Variants in FBXO17 observed in about 807,000 individuals in gnomAD.
FBXO17 encodes F-box only protein 17.
A neutral mutation model predicts 34.1 loss-of-function variants in FBXO17; 43 were observed. The observed-to-expected ratio is 1.26, with a 90% confidence interval of 0.99 to 1.62. The LOEUF is 1.62. Ranked by LOEUF, FBXO17 falls within the 40% of genes most tolerant of loss-of-function variation. FBXO17 has a pLI of 0.00. For missense variants in FBXO17, 424 were observed against 386.7 expected (o/e 1.10, Z -0.81); for synonymous variants, 169 against 166.0 (o/e 1.02, Z -0.14).
intron 1 of FBXO17, among the ~76,000 whole-genome samples, chr19:38,966,692 AACAT>A (rs951998729): frequency 6.6e-6 from 1 of 152,216 alleles, no homozygotes; most frequent in African/African-American, 2.4e-5. Flanking sequence ...TTCTAGGAAA[AACAT>A]AAAACTGTAT....
chr19:38,949,590 C>T (rs1037612697), intron 2 of FBXO17, among the ~76,000 whole-genome samples: 6 of 151,752 alleles, frequency 4.0e-5, no homozygotes, highest in Admixed American at 6.6e-5. Context: ...TGCAATGGCA[C>T]GATCATAGCT....
At chr19:38,963,243 G>A (rs1314231809) in intron 1 of FBXO17, among the ~76,000 whole-genome samples, 2 of 151,728 alleles carry the variant, frequency 1.3e-5, no homozygotes, top group Non-Finnish European at 2.9e-5. Context: ...TGTAGGCATG[G>A]CTTAGGGTTA....
rs924426767 is a variant in FBXO17 at position 38,975,170 on chromosome 19, G to T, written c.-18+416C>A. 6.6e-6 allele frequency among the ~76,000 whole-genome samples: 1 copy of T among 152,168 alleles called. No individual in the cohort carries two copies. The highest frequency in any genetic ancestry group is 1.5e-5 in the Non-Finnish European group (1 of 68,024). On this transcript the variant is annotated intron_variant, in intron 1 of 5. Coordinates refer to ENST00000292852, the MANE Select transcript of FBXO17 (RefSeq NM_024907.7). This position sits in a 1 kb window ranked among gnomAD's most constrained non-coding sequence, Gnocchi z 4.9. ...AAGGCTTCTGATTCACAGATTCTGC[G>T]AAGGGACTGACGGCCAGAAGACAGA...
chr19:38,944,949 G>A lies in FBXO17; in HGVS notation c.693+20C>T. 6.2e-7 allele frequency: 1 copy of A among 1,613,504 alleles called. No individual in the cohort carries two copies. Among genetic ancestry groups the A allele is most frequent in the Non-Finnish European group, 8.5e-7 (1 of 1,179,644 alleles). ...TGCCTTTAGCGGGTCGGGGGGAGCT[G>A]GAAGCTAGTCTGGACCCACCTGTCG... On this transcript the variant is annotated intron_variant, in intron 5 of 5. Coordinates refer to ENST00000292852, the MANE Select transcript of FBXO17 (RefSeq NM_024907.7).
At chr19:38,959,281 T>TCC (rs1432396739) in intron 1 of FBXO17, among the ~76,000 whole-genome samples, 19 of 52,172 alleles carry the variant, frequency 3.6e-4, no homozygotes, top group East Asian at 2.4e-3. Flanking sequence ...CTTTCTTTCT[T>TCC]TCTTTTTTTT....
chr19:38,948,738 C>G, intron 2 of FBXO17, 60 bp from the exon 3 acceptor site: 2 of 1,454,350 alleles, frequency 1.4e-6, no homozygotes, highest in Non-Finnish European at 1.9e-6. Flanking sequence ...GAAGAGACCC[C>G]GCAACCAGCC....
At chr19:38,958,804 G>T (rs1744324671) in intron 1 of FBXO17, among the ~76,000 whole-genome samples, 1 of 152,144 alleles carries the variant, frequency 6.6e-6, no homozygotes. Context: ...GAAGCTGTGG[G>T]GTCCACATTC....
At chr19:38,971,097 CAAA>C (rs36006162) in intron 1 of FBXO17, among the ~76,000 whole-genome samples, 3 of 122,448 alleles carry the variant, frequency 2.5e-5, no homozygotes, top group Non-Finnish European at 3.5e-5. Context: ...GAGTCCATCT[CAAA>C]AAAAAAAAAA....
In FBXO17 at chr19:38,945,076, C is replaced by T. The variant is rs777727071; in HGVS notation, c.586G>A (p.Val196Ile). The T allele has an allele frequency of 1.3e-5, 21 of 1,614,076 alleles. No homozygotes were observed. Among genetic ancestry groups the T allele is most frequent in the Middle Eastern group, 1.6e-4 (1 of 6,072 alleles). The change falls in exon 5 of 6, where the codon GTC (valine) becomes ATC (isoleucine). Residue 196 changes from valine to isoleucine, a missense_variant. Physicochemically the swap from Val to Ile is conservative, Grantham distance 29 (BLOSUM62 3). Transcript: ENST00000292852. ...WWGARENCGC[V>I]YQLRVRLLDV... ...AGAAGGCGGACCCGGAGCTGGTAGA[C>T]GCAGCCGCAGTTCTCTCGAGCGCCC... is the stretch of plus-strand genomic sequence containing the variant.
At chr19:38,971,768 G>C (rs1295341666) in intron 1 of FBXO17, among the ~76,000 whole-genome samples, 1 of 151,274 alleles carries the variant, frequency 6.6e-6, no homozygotes, top group Non-Finnish European at 1.5e-5. Context: ...GCCTGGGTGA[G>C]AGTGAAACCC....
chr19:38,945,323 C>A, intron 4 of FBXO17: 1 of 551,924 alleles, frequency 1.8e-6, no homozygotes, highest in East Asian at 3.3e-5. Context: ...TGGGGAGGAG[C>A]CAGAGCCTGG....
chr19:38,944,681 T>C, intron 5 of FBXO17: 1 of 399,978 alleles, frequency 2.5e-6, no homozygotes, highest in Non-Finnish European at 4.5e-6. Flanking sequence ...AACTCTAGAA[T>C]GGAGATAGGA....
At chr19:38,948,530 G>GCCCCAGGGATCGGGGCCTCTC (rs1975020713) in intron 3 of FBXO17, 37 bp downstream of exon 3, 9 of 1,557,510 alleles carry the variant, frequency 5.8e-6, no homozygotes, top group Non-Finnish European at 7.9e-6. Flanking sequence ...TGGGGCCTTT[G>GCCCCAGGGATCGGGGCCTCTC]CCCCAGGGAT....
chr19:38,943,804 G>A (rs1974930314), intron 5 of FBXO17, among the ~76,000 whole-genome samples: 1 of 152,112 alleles, frequency 6.6e-6, no homozygotes, highest in Non-Finnish European at 1.5e-5. Context: ...TTGGCAGGCT[G>A]GTGTTGAACT....
At chr19:38,972,293 C>T (rs1336621901) in intron 1 of FBXO17, among the ~76,000 whole-genome samples, 1 of 152,138 alleles carries the variant, frequency 6.6e-6, no homozygotes, top group Non-Finnish European at 1.5e-5. Flanking sequence ...CCTGTTATCC[C>T]CAGCACTCTG....
At chr19:38,954,724 C>T (rs146122738) in intron 1 of FBXO17, among the ~76,000 whole-genome samples, 5,104 of 148,670 alleles carry the variant, frequency 0.034, 129 homozygotes, top group Non-Finnish European at 0.052. Context: ...GGATTATAGG[C>T]GCCCGCCACC....
chr19:38,948,716 C>T, intron 2 of FBXO17, 38 bp from the exon 3 acceptor site: 1 of 1,581,222 alleles, frequency 6.3e-7, no homozygotes, highest in Non-Finnish European at 8.7e-7. Context: ...GGTTCACCTG[C>T]CAGCCTGCCC....
chr19:38,966,249 C>T (rs1975318794), intron 1 of FBXO17, among the ~76,000 whole-genome samples: 1 of 151,240 alleles, frequency 6.6e-6, no homozygotes, highest in Non-Finnish European at 1.5e-5. Flanking sequence ...GGATTACAGG[C>T]ATGAGCCACC....
chr19:38,943,244 G>A (rs1414429066), intron 5 of FBXO17, among the ~76,000 whole-genome samples: 3 of 151,452 alleles, frequency 2.0e-5, no homozygotes, highest in African/African-American at 7.3e-5. Context: ...TAAAAAAGTT[G>A]AGATAAAATT....
Sources: gnomAD v4.1 joint callset for allele counts (sites outside exome capture counted in the v4.1 genomes callset) on GRCh38, gnomAD v4.1.1 for gene constraint, Gnocchi (gnomAD v3.1) non-coding constraint, MANE v1.5 for transcripts, NCBI Gene and HGNC (gene_info 2026-07-23, HGNC 2026-07-21) for gene names.